The following RASA1 variants were observed in gnomAD, a reference collection of about 807,000 sequenced individuals.
RASA1 encodes ras GTPase-activating protein 1.
RASA1 carries 25 observed loss-of-function variants against 132.2 expected under a neutral mutation model. The observed-to-expected ratio is 0.19, with a 90% CI of 0.14 to 0.26. The LOEUF (loss-of-function observed/expected upper bound fraction) is 0.26, where lower values mean the gene tolerates loss of function less well. RASA1 is among the 10% of genes least tolerant of loss of function. RASA1 has a pLI of 1.00. For missense variants in RASA1, 964 were observed against 1,299.2 expected (o/e 0.74, Z 3.97); for synonymous variants, 477 against 449.9 (o/e 1.06, Z -0.76).
At chr5:87,282,645 A>G (rs1247780966) in intron 1 of RASA1, among the ~76,000 whole-genome samples, 3 of 152,098 alleles carry the variant, frequency 2.0e-5, no homozygotes, top group African/African-American at 7.2e-5. Flanking sequence ...TTTCAATTCC[A>G]TGCTCTTTTC....
chr5:87,391,779 C>T lies in RASA1; in HGVS notation c.*896C>T, dbSNP rs1046894625. 6 of 231,900 alleles carry T rather than the reference C, an allele frequency of 2.6e-5. No individual in the cohort carries two copies. The highest frequency in any genetic ancestry group is 3.4e-5 in the Non-Finnish European group (4 of 117,232). The allele number at this position is 231,900 out of a possible 1,614,324, so 14.4% of individuals were successfully genotyped here. The stretch of plus-strand genomic sequence containing the variant: ...CAACCTCATCAGCTGCCTAACTTAT[C>T]CATCTTTGAACTTCTGACTACTTGT... On this transcript the variant is annotated 3_prime_UTR_variant, in exon 25 of 25. Transcript: ENST00000274376.
chr5:87,390,635 TACTC>T (rs1182490115), intron 24 of RASA1, among the ~76,000 whole-genome samples, 161 bp from the exon 25 acceptor site: 1 of 152,156 alleles, frequency 6.6e-6, no homozygotes, highest in Non-Finnish European at 1.5e-5. Context: ...TGACCAGAAA[TACTC>T]AGCCAATGAC....
At chr5:87,339,913 C>T (rs1006897457) in intron 5 of RASA1, among the ~76,000 whole-genome samples, 4 of 152,026 alleles carry the variant, frequency 2.6e-5, no homozygotes, top group African/African-American at 7.2e-5. Flanking sequence ...GAAGATGTTT[C>T]GGGCATTCAG....
chr5:87,349,216 G>T lies in RASA1; in HGVS notation c.1105G>T (p.Gly369Cys), dbSNP rs1187164377. 5.0e-6 allele frequency: 8 copies of T among 1,611,358 alleles called. No individual in the cohort carries two copies. Among genetic ancestry groups the T allele is most frequent in the Non-Finnish European group, 6.8e-6 (8 of 1,178,236 alleles). Residue 369 changes from glycine (G) to cysteine (C), a missense_variant and splice_region_variant, in exon 8 of 25, where the codon GGT becomes TGT. This residue lies in a region of RASA1 where 154 missense variants were observed against 286.5 expected (regional missense o/e 0.54). Transcript: ENST00000274376. The part of the protein sequence containing the change: ...QEAYNLLMTV[G>C]QVCSFLVRPS... ...AACTAACAGCTTAATTCTTACAGTT[G>T]GTCAAGTCTGCAGTTTTCTTGTGAG...
chr5:87,288,429 G>A (rs934477249), intron 1 of RASA1, among the ~76,000 whole-genome samples: 1 of 152,000 alleles, frequency 6.6e-6, no homozygotes. Context: ...TAAACCACAC[G>A]AAATCAATTA....
intron 1 of RASA1, among the ~76,000 whole-genome samples, chr5:87,313,487 T>G (rs1346175475): frequency 6.6e-6 from 1 of 152,200 alleles, no homozygotes; most frequent in Non-Finnish European, 1.5e-5. Context: ...TTATGACTTT[T>G]GAATTTCCAC....
At chr5:87,382,861 T>G (rs540253510) in intron 20 of RASA1, among the ~76,000 whole-genome samples, 1 of 152,128 alleles carries the variant, frequency 6.6e-6, no homozygotes, top group South Asian at 2.1e-4. Flanking sequence ...ACAGGAGGAT[T>G]GCTTGAGGCC....
At position 87,353,206 on chromosome 5, in the gene RASA1, T is replaced by C; in HGVS notation, c.1303T>C (p.Tyr435His). 6.2e-7 allele frequency: 1 copy of C among 1,610,030 alleles called. No homozygotes were observed. Reference sequence around the variant, plus strand: ...TCGAAAAGAACAGATTGTTGAAGGATATTATCTTAAGGAACCTGTACCAAT... The same window carrying C: ...TCGAAAAGAACAGATTGTTGAAGGACATTATCTTAAGGAACCTGTACCAAT... ...HYRKEQIVEG[Y>H]YLKEPVPMQD... The change falls in exon 9 of 25, where the codon TAT (tyrosine) becomes CAT (histidine). Residue 435 changes from tyrosine (Y) to histidine (H), a missense_variant. This residue lies in a region of RASA1 where 154 missense variants were observed against 286.5 expected (regional missense o/e 0.54). Transcript: ENST00000274376.
At chr5:87,388,192 T>C (rs529645904) in intron 23 of RASA1, among the ~76,000 whole-genome samples, 3 of 152,310 alleles carry the variant, frequency 2.0e-5, no homozygotes, top group Admixed American at 2.0e-4. Context: ...TGAAGGCAAA[T>C]ATGGAGTCTT....
At position 87,268,131 on chromosome 5, in the gene RASA1, C is replaced by A; in HGVS notation, c.-321C>A. On this transcript the variant is annotated 5_prime_UTR_variant, in exon 1 of 25. Transcript: ENST00000274376. ...CCTCTTTCCCTGTGCTTCCTTTCCT[C>A]TTTAGTGCAGCGAGGAAGTTTTCGC... 2.3e-6 allele frequency: 1 copy of A among 430,998 alleles called. No homozygotes were observed. The highest frequency in any genetic ancestry group is 7.4e-5 in the South Asian group (1 of 13,556). 26.7% of individuals were successfully genotyped at this position (430,998 alleles called of 1,614,324 possible).
intron 1 of RASA1, among the ~76,000 whole-genome samples, chr5:87,281,591 GT>G (rs1053482773): frequency 6.7e-6 from 1 of 149,612 alleles, no homozygotes; most frequent in Non-Finnish European, 1.5e-5. Flanking sequence ...TTTTGTTTTT[GT>G]TTTTTTGAGA....
rs1028615902 is a variant in RASA1 at position 87,376,980 on chromosome 5, C to T, written c.2284C>T (p.His762Tyr). The change falls in exon 17 of 25, where the codon CAC becomes TAC. Residue 762 changes from histidine (H) to tyrosine (Y), a missense_variant. His to Tyr is a moderately conservative substitution (Grantham distance 83). This residue lies in a region of RASA1 where 346 missense variants were observed against 520.1 expected (regional missense o/e 0.67). Coordinates refer to ENST00000274376, the MANE Select transcript of RASA1 (RefSeq NM_002890.3). Reference protein sequence around the residue: ...LASILLRIFLHEKLESLLLCT... With the variant: ...LASILLRIFLYEKLESLLLCT... ...CAGCATCCTACTGAGGATTTTTCTT[C>T]ACGAAAAGCTTGAATCGTTGTTGTT... 6.2e-7 allele frequency: 1 copy of T among 1,613,518 alleles called. No homozygotes were observed. The highest frequency in any genetic ancestry group is 1.7e-5 in the Admixed American group (1 of 60,010).
intron 1 of RASA1, among the ~76,000 whole-genome samples, chr5:87,270,156 C>A (rs890293714): frequency 5.3e-5 from 8 of 150,092 alleles, no homozygotes; most frequent in Admixed American, 1.3e-4. Context: ...GCAGAAGAAT[C>A]GCTTGAACCC....
intron 1 of RASA1, among the ~76,000 whole-genome samples, chr5:87,284,050 C>T (rs957653660): frequency 6.6e-6 from 1 of 152,088 alleles, no homozygotes; most frequent in Non-Finnish European, 1.5e-5. Flanking sequence ...TTCTTTTTGA[C>T]AGATTTTTAA....
intron 23 of RASA1, 54 bp downstream of exon 23, chr5:87,386,957 A>G: frequency 7.0e-7 from 1 of 1,433,014 alleles, no homozygotes; most frequent in Non-Finnish European, 9.8e-7. Flanking sequence ...GATATAGCTG[A>G]GTTAACCCAT....
At chr5:87,318,813 C>A (rs1203594306) in intron 1 of RASA1, 1 of 152,242 alleles carries the variant, frequency 6.6e-6, no homozygotes, top group Non-Finnish European at 1.5e-5. Flanking sequence ...TCCCAACAGT[C>A]CCCCAAAGTC....
chr5:87,389,629 TA>T, intron 24 of RASA1, 102 bp downstream of exon 24: 1 of 1,477,628 alleles, frequency 6.8e-7, no homozygotes, highest in Non-Finnish European at 9.3e-7. Context: ...CTTGTTACAT[TA>T]AATTTTTGAG....
chr5:87,272,628 T>C (rs527336332), intron 1 of RASA1, among the ~76,000 whole-genome samples: 1 of 152,278 alleles, frequency 6.6e-6, no homozygotes, highest in East Asian at 1.9e-4. Flanking sequence ...CGTAGTCCCC[T>C]GTGCCCATAA....
intron 6 of RASA1, among the ~76,000 whole-genome samples, chr5:87,346,121 G>A (rs1202954341): frequency 6.6e-6 from 1 of 152,046 alleles, no homozygotes; most frequent in Non-Finnish European, 1.5e-5. Context: ...TTGATAGGCT[G>A]TTAGCTCAAA....
Sources: gnomAD v4.1 joint callset for allele counts (sites outside exome capture counted in the v4.1 genomes callset) on GRCh38, gnomAD v4.1.1 for gene constraint, gnomAD v4.1.1 regional missense constraint, MANE v1.5 for transcripts, NCBI Gene and HGNC (gene_info 2026-07-23, HGNC 2026-07-21) for gene names.